The following C2 variants were observed in gnomAD, a reference collection of about 807,000 sequenced individuals.
C2 encodes C3/C5 convertase.
A neutral mutation model predicts 85.2 loss-of-function variants in C2; 64 were observed. The observed-to-expected ratio is 0.75, with a 90% CI of 0.61 to 0.92. The LOEUF is 0.92. Ranked by LOEUF, C2 falls within the 40% of genes least tolerant of loss-of-function variation. C2 has a pLI of 0.00. For missense variants in C2, 820 were observed against 971.6 expected, an observed-to-expected ratio of 0.84 and a Z score of 2.07; for synonymous variants, 311 against 370.8, an observed-to-expected ratio of 0.84 and a Z score of 1.85.
rs1388146765 is a variant in C2 at position 31,935,258 on chromosome 6, T to C, written c.850-665T>C. The C allele has an allele frequency of 6.3e-6, 1 of 157,656 alleles. No individual in the cohort carries two copies. Among genetic ancestry groups the C allele is most frequent in the Non-Finnish European group, 1.4e-5 (1 of 73,148 alleles). The allele number at this position is 157,656 out of a possible 1,614,324, so 9.8% of individuals were successfully genotyped here. On this transcript the variant is annotated intron_variant, in intron 6 of 17. Transcript: ENST00000299367. This position sits in a 1 kb window ranked among gnomAD's most constrained non-coding sequence, Gnocchi z 4.3. ...CAACACACACCAGTTGGAGCAGTGA[T>C]TGAGAATCATGTGACACATTCAGAT...
rs780590929 is a variant in C2 at position 31,943,028 on chromosome 6, A to C, written c.1289A>C (p.Lys430Thr). 1 of 1,613,092 alleles carries C rather than the reference A, an allele frequency of 6.2e-7. No individual in the cohort carries two copies. The highest frequency in any genetic ancestry group is 2.2e-5 in the East Asian group (1 of 44,888). ...WRELNELGSKKDGERHAFILQ... is the reference protein window; with the variant it reads ...WRELNELGSKTDGERHAFILQ... ...GAACTGAATGAGCTAGGGTCCAAGA[A>C]GGATGGTGAGAGGCATGCCTTCATT... Residue 430 changes from lysine to threonine, a missense_variant, in exon 10 of 18, where the codon AAG (lysine) becomes ACG (threonine). Transcript: ENST00000299367. This position sits in a 1 kb window ranked among gnomAD's most constrained non-coding sequence, Gnocchi z 6.4.
At chr6:31,918,284 C>A (rs1768699476), upstream of C2, among the ~76,000 whole-genome samples, 2 of 145,306 alleles carry the variant, frequency 1.4e-5, no homozygotes, top group Non-Finnish European at 1.5e-5. Flanking sequence ...GACCCCATCT[C>A]AAAAAAAAAA....
At chr6:31,913,387 C>T (rs554418881) in intron 1 of C2, among the ~76,000 whole-genome samples, 1 of 152,310 alleles carries the variant, frequency 6.6e-6, no homozygotes, top group Admixed American at 6.5e-5. Flanking sequence ...ACCAGCCTGG[C>T]CAACATGGTG....
chr6:31,938,710 A>G (rs1373209046), intron 8 of C2, among the ~76,000 whole-genome samples: 1 of 150,332 alleles, frequency 6.7e-6, no homozygotes, highest in Non-Finnish European at 1.5e-5. Context: ...CCCAGGCTGG[A>G]GTGCAATGGC....
At chr6:31,916,089 G>A (rs1768483953), upstream of C2, among the ~76,000 whole-genome samples, 1 of 152,206 alleles carries the variant, frequency 6.6e-6, no homozygotes, top group Non-Finnish European at 1.5e-5. Flanking sequence ...GTTTGTGGAA[G>A]AAGGGCAGTA....
Position 31,945,360 on chromosome 6 carries a change from A to G in C2, c.*3A>G, listed in dbSNP as rs1198318150. ...TCCTGAATTTTTTACCCCTCTAGCCATGGCCACTGAGCCCTCTGCTGCCCT... is the reference window on the plus strand; with the variant it reads ...TCCTGAATTTTTTACCCCTCTAGCCGTGGCCACTGAGCCCTCTGCTGCCCT... On this transcript the variant is annotated 3_prime_UTR_variant, in exon 18 of 18. Transcript: ENST00000299367. The surrounding 1 kb of genome is among the most constrained non-coding windows in gnomAD (Gnocchi z 5.3). The G allele has an allele frequency of 3.1e-6, 5 of 1,612,636 alleles. No homozygotes were observed. In the African/African-American group the frequency reaches 5.3e-5, roughly 17 times the overall value.
Position 31,928,717 on chromosome 6 carries a change from T to G in C2, c.257-15T>G. On this transcript the variant is annotated splice_polypyrimidine_tract_variant and intron_variant, in intron 2 of 17. Transcript: ENST00000299367. ...ATCCAGTCCTATATTCCCCACCCAC[T>G]TCCTCTCTCTCCAGCTGTGCGCTGT... 6.2e-7 allele frequency: 1 copy of G among 1,614,094 alleles called. No individual in the cohort carries two copies. Among genetic ancestry groups the G allele is most frequent in the Non-Finnish European group, 8.5e-7 (1 of 1,179,922 alleles).
upstream of C2, among the ~76,000 whole-genome samples, chr6:31,925,872 A>G (rs1769230061): frequency 6.6e-6 from 1 of 152,132 alleles, no homozygotes; most frequent in Non-Finnish European, 1.5e-5. Context: ...TAACAATCTA[A>G]GTGGCTGTGC....
intron 1 of C2, among the ~76,000 whole-genome samples, chr6:31,907,297 A>T (rs978382601): frequency 6.6e-6 from 1 of 151,950 alleles, no homozygotes; most frequent in Non-Finnish European, 1.5e-5. Context: ...TTCAAAATTT[A>T]AAAAATATAA....
chr6:31,935,778 C>T lies in C2; in HGVS notation c.850-145C>T. 1.1e-6 allele frequency: 1 copy of T among 885,974 alleles called. No homozygotes were observed. The highest frequency in any genetic ancestry group is 1.8e-6 in the Non-Finnish European group (1 of 540,794). The allele number at this position is 885,974 out of a possible 1,614,324, so 54.9% of individuals were successfully genotyped here. ...CCAGCCCCTAGCTTCTTCCTAACAG[C>T]CATTTCCTAGTGTCTCCCCTGGTCC... On this transcript the variant is annotated intron_variant, in intron 6 of 17. Transcript: ENST00000299367. The surrounding 1 kb of genome is among the most constrained non-coding windows in gnomAD (Gnocchi z 4.3).
chr6:31,942,941 T>C lies in C2; in HGVS notation c.1220-18T>C. On this transcript the variant is annotated intron_variant, in intron 9 of 17. Transcript: ENST00000299367. Reference sequence around the variant, plus strand: ...CCCAAAGCCACAGGAGTCTGGTGATTTCCCTCTTCCCCACCAGACATCTAT... The same window carrying C: ...CCCAAAGCCACAGGAGTCTGGTGATCTCCCTCTTCCCCACCAGACATCTAT... 5.6e-6 allele frequency: 9 copies of C among 1,612,854 alleles called. No individual in the cohort carries two copies. Among genetic ancestry groups the C allele is most frequent in the Non-Finnish European group, 7.6e-6 (9 of 1,179,916 alleles).
chr6:31,900,280 G>T, upstream of C2: 2 of 1,613,264 alleles, frequency 1.2e-6, no homozygotes, highest in South Asian at 1.1e-5. This position sits in a 1 kb window ranked among gnomAD's most constrained non-coding sequence, Gnocchi z 9.7. Flanking sequence ...CCACGCCCTG[G>T]AACACTTCCG....
intron 1 of C2, chr6:31,901,702 C>A (rs902215766): frequency 1.3e-5 from 3 of 238,698 alleles, no homozygotes; most frequent in Non-Finnish European, 2.5e-5. Context: ...CTCCGCCCCC[C>A]CCTTACACGT....
chr6:31,916,020 T>C (rs769888786), upstream of C2, among the ~76,000 whole-genome samples: 9 of 152,174 alleles, frequency 5.9e-5, no homozygotes, highest in Non-Finnish European at 1.3e-4. Flanking sequence ...GAGACCAGTA[T>C]ATGGATGGAT....
At chr6:31,901,433 C>T in intron 1 of C2, 2 of 1,061,012 alleles carry the variant, frequency 1.9e-6, no homozygotes, top group East Asian at 2.6e-5. Flanking sequence ...TCCGATCTCC[C>T]GGTCTTCAGA....
rs192411284 is a variant in C2, at chr6:31,940,516, T to G, written c.1219+1196T>G. 1.1e-3 allele frequency among the ~76,000 whole-genome samples: 172 copies of G among 152,298 alleles called. 1 individual carries two copies. The highest frequency in any genetic ancestry group is 3.5e-3 in the African/African-American group (146 of 41,560). On this transcript the variant is annotated intron_variant, in intron 9 of 17. Transcript: ENST00000299367. ...ACTGACCTTTGATCAGAAAGTAATT[T>G]CAGAGAGAGAGATGCTCAGACAGGG...
At chr6:31,899,086 TTTTG>T (rs1296025497), upstream of C2, among the ~76,000 whole-genome samples, 4 of 152,236 alleles carry the variant, frequency 2.6e-5, no homozygotes, top group East Asian at 5.8e-4. Context: ...AAAAGTTTTT[TTTTG>T]TTTTTTATTT....
rs1466443293 is a variant in C2 at position 31,935,562 on chromosome 6, T to G, written c.850-361T>G. Reference sequence around the variant, plus strand: ...TCAGCTCACTGCAAACTTTGCCTCCTGGGTTCAAGTGATTCTTCTGCCTCA... The same window carrying G: ...TCAGCTCACTGCAAACTTTGCCTCCGGGGTTCAAGTGATTCTTCTGCCTCA... On this transcript the variant is annotated intron_variant, in intron 6 of 17. Transcript: ENST00000299367. The surrounding 1 kb of genome is among the most constrained non-coding windows in gnomAD (Gnocchi z 4.3). Among the ~76,000 whole-genome samples the G allele has an allele frequency of 6.6e-6, 1 of 152,020 alleles. No homozygotes were observed. Among genetic ancestry groups the G allele is most frequent in the Non-Finnish European group, 1.5e-5 (1 of 67,998 alleles).
chr6:31,939,107 T>C (rs1298437688), intron 8 of C2, 124 bp from the exon 9 acceptor site: 6 of 773,594 alleles, frequency 7.8e-6, no homozygotes, highest in African/African-American at 1.7e-5. Flanking sequence ...CCTAAAAGTA[T>C]ATTTTGAAGC....
Sources: allele counts gnomAD v4.1 joint callset (sites outside exome capture counted in the v4.1 genomes callset), GRCh38; gene constraint gnomAD v4.1.1; non-coding constraint Gnocchi (gnomAD v3.1); transcripts MANE v1.5; gene names NCBI Gene and HGNC (gene_info 2026-07-23, HGNC 2026-07-21).